The following FHIT variants were observed in gnomAD, a reference collection of about 807,000 sequenced individuals.
FHIT encodes fragile histidine triad diadenosine triphosphatase, also known as bis(5'-adenosyl)-triphosphatase.
Under a neutral mutation model 17.9 loss-of-function variants are expected in FHIT, and 19 were observed. That is an observed-to-expected ratio of 1.06 (90% CI 0.74 to 1.56). FHIT has a LOEUF of 1.56. Ranked by LOEUF, FHIT falls within the 40% of genes most tolerant of loss-of-function variation. The pLI, the probability that FHIT is intolerant of heterozygous loss-of-function variation, is 0.00. For missense variants in FHIT, 248 were observed against 189.2 expected (o/e 1.31, Z -1.82); for synonymous variants, 81 against 69.7 (o/e 1.16, Z -0.81).
At position 60,183,694 on chromosome 3, in the gene FHIT, G is replaced by A. The variant is rs138522879; in HGVS notation, c.104-169542C>T. 4.5e-3 allele frequency among the ~76,000 whole-genome samples: 691 copies of A among 152,190 alleles called. 1 individual carries two copies. The highest frequency in any genetic ancestry group is 7.5e-3 in the Non-Finnish European group (509 of 67,998). On this transcript the variant is annotated intron_variant, in intron 5 of 9. Coordinates refer to ENST00000492590, the MANE Select transcript of FHIT (RefSeq NM_002012.4). Reference sequence around the variant, plus strand: ...GATTAAGTGATGCCGACACCCTCTTGCCTCCCCAGAATCCCTTTAAAACCA... The same window carrying A: ...GATTAAGTGATGCCGACACCCTCTTACCTCCCCAGAATCCCTTTAAAACCA...
At chr3:60,761,527 C>A (rs1324727960) in intron 4 of FHIT, among the ~76,000 whole-genome samples, 4 of 151,940 alleles carry the variant, frequency 2.6e-5, no homozygotes, top group Non-Finnish European at 4.4e-5. Flanking sequence ...ATAAAGGAGA[C>A]CCTTTGAATG....
At chr3:60,331,002 C>A (rs990192295) in intron 5 of FHIT, among the ~76,000 whole-genome samples, 6 of 152,170 alleles carry the variant, frequency 3.9e-5, no homozygotes, top group African/African-American at 1.4e-4. Flanking sequence ...CAACCTCTCC[C>A]TTTTCAAGAT....
At chr3:61,167,670 G>C (rs1286885385) in intron 2 of FHIT, among the ~76,000 whole-genome samples, 1 of 138,468 alleles carries the variant, frequency 7.2e-6, no homozygotes, top group East Asian at 2.0e-4. Context: ...AGAGAAAAGA[G>C]AATAAAAGAA....
At chr3:60,428,210 T>C (rs967377328) in intron 5 of FHIT, among the ~76,000 whole-genome samples, 1 of 152,148 alleles carries the variant, frequency 6.6e-6, no homozygotes, top group African/African-American at 2.4e-5. Context: ...TGCAATGACC[T>C]AATCATATTT....
chr3:59,815,073 C>T (rs1044410081), intron 8 of FHIT, among the ~76,000 whole-genome samples: 12 of 152,126 alleles, frequency 7.9e-5, no homozygotes, highest in Non-Finnish European at 1.2e-4. Context: ...TCACCTGCTT[C>T]GGAGAACCTG....
At chr3:59,987,949 G>C (rs1472995264) in intron 7 of FHIT, among the ~76,000 whole-genome samples, 1 of 152,056 alleles carries the variant, frequency 6.6e-6, no homozygotes, top group Admixed American at 6.6e-5. Context: ...AGGGGAACAA[G>C]ACGTAACCTG....
At chr3:60,369,123 C>G (rs1037008655) in intron 5 of FHIT, among the ~76,000 whole-genome samples, 2 of 151,120 alleles carry the variant, frequency 1.3e-5, no homozygotes, top group Non-Finnish European at 3.0e-5. Flanking sequence ...CAGGTGTGCA[C>G]CAACACGCCT....
chr3:60,186,997 G>A (rs914431871), intron 5 of FHIT, among the ~76,000 whole-genome samples: 5 of 152,098 alleles, frequency 3.3e-5, no homozygotes, highest in Admixed American at 2.0e-4. Flanking sequence ...TGCCCGTAGA[G>A]TGTTGAGGCC....
At chr3:60,079,340 C>T (rs1222544294) in intron 5 of FHIT, among the ~76,000 whole-genome samples, 1 of 152,042 alleles carries the variant, frequency 6.6e-6, no homozygotes, top group Non-Finnish European at 1.5e-5. Context: ...TGTTTCTACA[C>T]AATTGAAAAC....
At chr3:60,181,176 T>A (rs1317224654) in intron 5 of FHIT, among the ~76,000 whole-genome samples, 1 of 144,172 alleles carries the variant, frequency 6.9e-6, no homozygotes, top group Non-Finnish European at 1.5e-5. Context: ...AGACTGAGTC[T>A]CACTCTGTCA....
intron 3 of FHIT, among the ~76,000 whole-genome samples, chr3:60,925,081 G>A (rs1196064618): frequency 2.6e-5 from 4 of 152,190 alleles, no homozygotes; most frequent in African/African-American, 9.7e-5. Flanking sequence ...ATCTACATCT[G>A]ACTGATGTAC....
At chr3:60,485,166 A>G (rs2033782519) in intron 5 of FHIT, among the ~76,000 whole-genome samples, 1 of 152,214 alleles carries the variant, frequency 6.6e-6, no homozygotes, top group African/African-American at 2.4e-5. Context: ...GATGCTGGTG[A>G]GGCTGTGGAG....
chr3:60,252,810 G>A (rs556141490), intron 5 of FHIT, among the ~76,000 whole-genome samples: 45 of 149,582 alleles, frequency 3.0e-4, no homozygotes, highest in African/African-American at 1.0e-3. Flanking sequence ...CTAACAAGGC[G>A]AAACCCCTTC....
At chr3:60,229,150 C>T (rs1704366598) in intron 5 of FHIT, among the ~76,000 whole-genome samples, 1 of 152,146 alleles carries the variant, frequency 6.6e-6, no homozygotes, top group Admixed American at 6.5e-5. Flanking sequence ...CTTGCAGTGG[C>T]TCATGCCTGT....
intron 3 of FHIT, among the ~76,000 whole-genome samples, chr3:61,026,749 T>C (rs1281808188): frequency 1.3e-5 from 2 of 152,154 alleles, no homozygotes; most frequent in East Asian, 3.9e-4. Flanking sequence ...AGCCAAAAGA[T>C]TGGACGCCGC....
At chr3:60,044,559 AGAG>A (rs772216918) in intron 5 of FHIT, among the ~76,000 whole-genome samples, 30 of 152,104 alleles carry the variant, frequency 2.0e-4, no homozygotes, top group East Asian at 1.9e-4. Context: ...AGAAGAAGGA[AGAG>A]GAGGAGAAAG....
At chr3:60,155,742 CG>C (rs935543397) in intron 5 of FHIT, among the ~76,000 whole-genome samples, 1 of 152,154 alleles carries the variant, frequency 6.6e-6, no homozygotes, top group African/African-American at 2.4e-5. Flanking sequence ...TGACTCCATG[CG>C]TTAGCTTTGT....
chr3:60,864,275 C>G (rs1361343044), intron 3 of FHIT, among the ~76,000 whole-genome samples: 1 of 152,112 alleles, frequency 6.6e-6, no homozygotes, highest in Non-Finnish European at 1.5e-5. Flanking sequence ...ATAGCAGAGA[C>G]AGACCCATGA....
chr3:60,462,465 G>A (rs578094444), intron 5 of FHIT, among the ~76,000 whole-genome samples: 3 of 152,110 alleles, frequency 2.0e-5, no homozygotes, highest in Admixed American at 6.5e-5. Flanking sequence ...GCAAGTCCTC[G>A]ACAGAAAGGC....
Sources: gnomAD v4.1 joint callset for allele counts (sites outside exome capture counted in the v4.1 genomes callset) on GRCh38, gnomAD v4.1.1 for gene constraint, MANE v1.5 for transcripts, NCBI Gene and HGNC (gene_info 2026-07-23, HGNC 2026-07-21) for gene names.